The following ABCA3 variants were observed in gnomAD, a reference collection of about 807,000 sequenced individuals.
The protein encoded by ABCA3 is phospholipid-transporting ATPase ABCA3.
ABCA3 carries 88 observed loss-of-function variants against 172.8 expected under a neutral mutation model. The ratio of observed to expected loss-of-function variants is 0.51; its 90% CI spans 0.43 to 0.61. ABCA3 has a LOEUF of 0.61. ABCA3 is among the 20% of genes least tolerant of loss of function. The pLI, the probability that ABCA3 is intolerant of heterozygous loss-of-function variation, is 0.00. For synonymous variants in ABCA3, 1,066 were observed against 983.8 expected (o/e 1.08, Z -1.56); for missense variants, 2,164 against 2,301.0 (o/e 0.94, Z 1.22).
At chr16:2,299,044 TC>T (rs2093684632) in intron 14 of ABCA3, among the ~76,000 whole-genome samples, 2 of 143,288 alleles carry the variant, frequency 1.4e-5, no homozygotes, top group African/African-American at 2.6e-5. Context: ...TCCCTGGGGG[TC>T]CCCCTGCATT....
At chr16:2,333,582 G>A (rs2093746814) in intron 1 of ABCA3, among the ~76,000 whole-genome samples, 1 of 152,054 alleles carries the variant, frequency 6.6e-6, no homozygotes, top group African/African-American at 2.4e-5. Context: ...TGGTCTTTTA[G>A]GGTATACAAG....
chr16:2,288,144 C>A lies in ABCA3; in HGVS notation c.2886G>T (p.Glu962Asp). The A allele has an allele frequency of 6.2e-7, 1 of 1,612,044 alleles. No homozygotes were observed. The highest frequency in any genetic ancestry group is 8.5e-7 in the Non-Finnish European group (1 of 1,179,164). ...DDPMLRLTLG[E>D]YGRTVVPFSV... ...AGAAGGGCACGACGGTTCTGCCGTACTCGCCCAAGGTCAGCCTCAGCATGG... is the reference window on the plus strand; with the variant it reads ...AGAAGGGCACGACGGTTCTGCCGTAATCGCCCAAGGTCAGCCTCAGCATGG... Residue 962 changes from glutamate (E) to aspartate (D), a missense_variant, in exon 21 of 33, where the codon GAG (glutamate) becomes GAT (aspartate). Around this residue, in one of 3 missense-constraint regions of ABCA3, gnomAD observed 1,343 missense variants for 1,369.6 expected, o/e 0.98. Transcript: ENST00000301732.
chr16:2,317,529 C>T (rs973741518), intron 9 of ABCA3, 119 bp downstream of exon 9: 1 of 1,573,782 alleles, frequency 6.4e-7, no homozygotes, highest in East Asian at 2.2e-5. Context: ...AGCTCCTCTC[C>T]CCCATGAGGG....
rs1173116629 is a variant in ABCA3, at chr16:2,281,937, G to A, written c.4036-428C>T. Among the ~76,000 whole-genome samples, 2 of 151,608 alleles carry A rather than the reference G, an allele frequency of 1.3e-5. No homozygotes were observed. The highest frequency in any genetic ancestry group is 1.5e-5 in the Non-Finnish European group (1 of 67,942). ...CTCCTGCTTCAGCCTCCCGAGTAGC[G>A]CGCCACCACGCCCAGCTAATTTTTG... On this transcript the variant is annotated intron_variant, in intron 26 of 32. Coordinates refer to ENST00000301732, the MANE Select transcript of ABCA3 (RefSeq NM_001089.3). This position sits in a 1 kb window ranked among gnomAD's most constrained non-coding sequence, Gnocchi z 4.7.
intron 19 of ABCA3, among the ~76,000 whole-genome samples, chr16:2,291,059 G>A (rs1196049960): frequency 6.6e-6 from 1 of 152,082 alleles, no homozygotes; most frequent in African/African-American, 2.4e-5. Flanking sequence ...TAGTAGAGAT[G>A]GTGGCTGGGG....
chr16:2,322,360 TC>T (rs1335952728), intron 7 of ABCA3, among the ~76,000 whole-genome samples: 4 of 152,194 alleles, frequency 2.6e-5, no homozygotes, highest in African/African-American at 9.6e-5. Context: ...GAGTAAATGT[TC>T]CTGAAAAGTA....
In ABCA3 at chr16:2,297,371, G is replaced by A; in HGVS notation, c.2221C>T (p.Leu741=). ...DRIAIMAKGE[L]QCCGSSLFLK... ...AACAGCGAGGACCCGCAGCACTGCA[G>A]CTCCCCCTTGGCCATGATGGCGATG... is the stretch of plus-strand genomic sequence containing the variant. Residue 741 remains leucine (L), a synonymous_variant, in exon 17 of 33, where the codon CTG becomes TTG. Transcript: ENST00000301732. The surrounding 1 kb of genome is among the most constrained non-coding windows in gnomAD (Gnocchi z 5.6). 3 of 1,613,040 alleles carry A rather than the reference G, an allele frequency of 1.9e-6. No homozygotes were observed. Among genetic ancestry groups the A allele is most frequent in the Non-Finnish European group, 2.5e-6 (3 of 1,180,012 alleles).
At position 2,298,412 on chromosome 16, in the gene ABCA3, C is replaced by T. The variant is rs370684896; in HGVS notation, c.1870G>A (p.Ala624Thr). 12 of 1,613,974 alleles carry T rather than the reference C, an allele frequency of 7.4e-6. No homozygotes were observed. The highest frequency in any genetic ancestry group is 1.7e-5 in the Admixed American group (1 of 59,994). Reference sequence around the variant, plus strand: ...TGGGCGTAGAAATAAAGGTGCTCTGCGACTGTCAAGTTGTCAAACAGGATG... The same window carrying T: ...TGGGCGTAGAAATAAAGGTGCTCTGTGACTGTCAAGTTGTCAAACAGGATG... ...HDILFDNLTV[A>T]EHLYFYAQLK... The change falls in exon 15 of 33, where the codon GCA becomes ACA. Residue 624 changes from alanine to threonine, a missense_variant. By Grantham distance (58) the Ala-to-Thr change is moderately conservative (BLOSUM62 0). This residue lies in a region of ABCA3 where 1,343 missense variants were observed against 1,369.6 expected (regional missense o/e 0.98). Coordinates refer to ENST00000301732, the MANE Select transcript of ABCA3 (RefSeq NM_001089.3).
chr16:2,313,935 T>C (rs976841660), intron 10 of ABCA3, among the ~76,000 whole-genome samples: 2 of 149,610 alleles, frequency 1.3e-5, no homozygotes, highest in Non-Finnish European at 3.0e-5. Context: ...GACTGAGAGA[T>C]ACCCCCTCAC....
In ABCA3 at chr16:2,286,957, C is replaced by T; in HGVS notation, c.3015G>A (p.Glu1005=). 1 of 1,613,252 alleles carries T rather than the reference C, an allele frequency of 6.2e-7. No individual in the cohort carries two copies. Among genetic ancestry groups the T allele is most frequent in the Non-Finnish European group, 8.5e-7 (1 of 1,179,826 alleles). ...QEPREVLGDL[E]EFLIFRASVE... ...CAGAAGCCCTGAAGATCAAGAACTCCTCCAGGTCACCTGGGGAGCAATGGC... is the reference window on the plus strand; with the variant it reads ...CAGAAGCCCTGAAGATCAAGAACTCTTCCAGGTCACCTGGGGAGCAATGGC... The change falls in exon 22 of 33, where the codon GAG becomes GAA. Residue 1005 remains glutamate, a synonymous_variant. Coordinates refer to ENST00000301732, the MANE Select transcript of ABCA3 (RefSeq NM_001089.3). The surrounding 1 kb of genome is among the most constrained non-coding windows in gnomAD (Gnocchi z 5.2).
At position 2,299,516 on chromosome 16, in the gene ABCA3, T is replaced by C; in HGVS notation, c.1628A>G (p.Asn543Ser). 6.2e-7 allele frequency: 1 copy of C among 1,613,536 alleles called. No homozygotes were observed. Among genetic ancestry groups the C allele is most frequent in the Non-Finnish European group, 8.5e-7 (1 of 1,179,988 alleles). ...GTCTCTGACGGCCGCCCTGTCCTTA[T>C]TTCCCACCCTGAACACCTGCAGGAA... ...KHLSKVFRVG[N>S]KDRAAVRDLN... The change falls in exon 14 of 33, where the codon AAT becomes AGT. Residue 543 changes from asparagine (N) to serine (S), a missense_variant. Transcript: ENST00000301732.
At position 2,281,893 on chromosome 16, in the gene ABCA3, CTCCCAGGT is replaced by C. The variant is rs2093655770; in HGVS notation, c.4036-392_4036-385del. Among the ~76,000 whole-genome samples the C allele has an allele frequency of 6.6e-6, 1 of 151,928 alleles. No individual in the cohort carries two copies. Among genetic ancestry groups the C allele is most frequent in the Non-Finnish European group, 1.5e-5 (1 of 68,000 alleles). ...AATCTCAGCTCACTGCAAACTCTGC[CTCCCAGGT>C]TCAACTGATTCTCCTGCTTCAGCCT... On this transcript the variant is annotated intron_variant, in intron 26 of 32. Transcript: ENST00000301732. The surrounding 1 kb of genome is among the most constrained non-coding windows in gnomAD (Gnocchi z 4.7).
chr16:2,317,604 G>C, intron 9 of ABCA3, 44 bp downstream of exon 9: 2 of 1,607,820 alleles, frequency 1.2e-6, no homozygotes, highest in African/African-American at 1.3e-5. Flanking sequence ...GGGGTGCCCT[G>C]GCTCTCCCCG....
intron 1 of ABCA3, among the ~76,000 whole-genome samples, chr16:2,336,754 AC>A (rs1204861614): frequency 6.6e-6 from 1 of 151,814 alleles, no homozygotes; most frequent in African/African-American, 2.4e-5. Context: ...AACAGAACTT[AC>A]AATTGATCTT....
rs1195611781 is a variant in ABCA3, at chr16:2,286,743, A to C, written c.3229T>G (p.Phe1077Val). ...TGCAGGGCGCTCCGGGGCTGGGGGA[A>C]GTTGGAGACCACAATGGAGGCGTGA... ...GPHASIVVSN[F>V]PQPRSALQAA... Residue 1077 changes from phenylalanine (F) to valine (V), a missense_variant, in exon 22 of 33, where the codon TTC becomes GTC. Around this residue, in one of 3 missense-constraint regions of ABCA3, gnomAD observed 795 missense variants for 881.9 expected, o/e 0.90. Transcript: ENST00000301732. This position sits in a 1 kb window ranked among gnomAD's most constrained non-coding sequence, Gnocchi z 5.2. 2 of 1,613,808 alleles carry C rather than the reference A, an allele frequency of 1.2e-6. No homozygotes were observed. Among genetic ancestry groups the C allele is most frequent in the Admixed American group, 1.7e-5 (1 of 59,994 alleles).
chr16:2,326,637 G>A, intron 3 of ABCA3, 145 bp from the exon 4 acceptor site: 1 of 894,272 alleles, frequency 1.1e-6, no homozygotes, highest in Non-Finnish European at 1.8e-6. Flanking sequence ...CTGGAGGGAA[G>A]GGTACAAGGC....
intron 7 of ABCA3, among the ~76,000 whole-genome samples, chr16:2,322,551 C>T (rs1202674012): frequency 7.8e-6 from 1 of 128,226 alleles, no homozygotes; most frequent in African/African-American, 2.9e-5. Context: ...CCACAACAGG[C>T]CCCAGTGTGT....
chr16:2,281,259 C>G lies in ABCA3; in HGVS notation c.4165-38G>C. On this transcript the variant is annotated intron_variant, in intron 27 of 32. Transcript: ENST00000301732. The surrounding 1 kb of genome is among the most constrained non-coding windows in gnomAD (Gnocchi z 4.7). The stretch of plus-strand genomic sequence containing the variant: ...AACAGAAAACACGGAATGCGGAGGC[C>G]TGGACGCAAAGCAGAGCAGTCTGAG... 6.2e-7 allele frequency: 1 copy of G among 1,613,246 alleles called. No homozygotes were observed. The highest frequency in any genetic ancestry group is 8.5e-7 in the Non-Finnish European group (1 of 1,179,910).
intron 3 of ABCA3, among the ~76,000 whole-genome samples, chr16:2,327,220 C>T (rs1329721021): frequency 6.6e-6 from 1 of 152,016 alleles, no homozygotes; most frequent in Non-Finnish European, 1.5e-5. Context: ...GCTTGTGATC[C>T]TCCCACCTCA....
Sources: allele counts gnomAD v4.1 joint callset (sites outside exome capture counted in the v4.1 genomes callset), GRCh38; gene constraint gnomAD v4.1.1; regional missense constraint gnomAD v4.1.1; non-coding constraint Gnocchi (gnomAD v3.1); transcripts MANE v1.5; gene names NCBI Gene and HGNC (gene_info 2026-07-23, HGNC 2026-07-21).